Variants in DNAJC1 observed in about 807,000 individuals in gnomAD.
DNAJC1 encodes DnaJ heat shock protein family (Hsp40) member C1, also known as dnaJ homolog subfamily C member 1.
In DNAJC1, 58 loss-of-function variants were observed where a neutral mutation model predicts 76.6. The observed-to-expected ratio is 0.76, with a 90% CI of 0.61 to 0.94. The LOEUF (loss-of-function observed/expected upper bound fraction) is 0.94. Among genes scored for constraint, DNAJC1 ranks in the 40% least tolerant of loss-of-function variants. DNAJC1 has a pLI of 0.00. For synonymous variants in DNAJC1, 258 were observed against 267.9 expected (o/e 0.96, Z 0.36); for missense variants, 689 against 677.3 (o/e 1.02, Z -0.19).
chr10:21,961,108 C>G (rs1002534361), intron 1 of DNAJC1, among the ~76,000 whole-genome samples: 4 of 152,068 alleles, frequency 2.6e-5, no homozygotes, highest in Non-Finnish European at 4.4e-5. Flanking sequence ...GAAATTTGAG[C>G]CTTTATACAT....
chr10:21,803,878 C>A (rs1343780649), intron 9 of DNAJC1: 520 of 941,988 alleles, frequency 5.5e-4, no homozygotes, highest in Admixed American at 8.0e-4. Flanking sequence ...AAAAAAAAAA[C>A]CCAAAAAACA....
At chr10:21,773,589 GTA>G (rs1300700984) in intron 9 of DNAJC1, among the ~76,000 whole-genome samples, 1 of 152,136 alleles carries the variant, frequency 6.6e-6, no homozygotes, top group Non-Finnish European at 1.5e-5. Context: ...AAAGAAAAAC[GTA>G]TATTCTATTG....
chr10:21,930,433 CACCAA>C (rs1411303129), intron 1 of DNAJC1, among the ~76,000 whole-genome samples: 1 of 152,108 alleles, frequency 6.6e-6, no homozygotes, highest in Non-Finnish European at 1.5e-5. Context: ...ATGATGAAAA[CACCAA>C]ACCAAACCAA....
At position 21,898,551 on chromosome 10, in the gene DNAJC1, C is replaced by CT. The variant is rs1284887784; in HGVS notation, c.820+5970dup. On this transcript the variant is annotated intron_variant, in intron 7 of 11. Coordinates refer to ENST00000376980, the MANE Select transcript of DNAJC1 (RefSeq NM_022365.4). ...TAGGTTATGTATTTACTATACTATA[C>CT]TTTTTTTTTTTTTTTTTCCAGACAG... Among the ~76,000 whole-genome samples the CT allele has an allele frequency of 2.2e-3, 297 of 137,314 alleles. 1 individual carries two copies. The highest frequency in any genetic ancestry group is 3.8e-3 in the Middle Eastern group (1 of 262). 90.1% of individuals were successfully genotyped at this position (137,314 alleles called of 152,430 possible). A position where few individuals can be genotyped will look rare whatever the true frequency, so the allele number is the denominator to read the frequency against.
intron 1 of DNAJC1, among the ~76,000 whole-genome samples, chr10:21,985,247 G>C (rs985686382): frequency 6.9e-6 from 1 of 144,368 alleles, no homozygotes; most frequent in Non-Finnish European, 1.5e-5. Flanking sequence ...CCACTACCCT[G>C]CTTTTTTTTT....
At chr10:21,945,230 C>A (rs951065087) in intron 1 of DNAJC1, among the ~76,000 whole-genome samples, 1 of 152,066 alleles carries the variant, frequency 6.6e-6, no homozygotes, top group Non-Finnish European at 1.5e-5. Context: ...ATCAACTGGA[C>A]CAGCTATTAT....
intron 3 of DNAJC1, among the ~76,000 whole-genome samples, chr10:21,926,911 T>C (rs2131777588): frequency 6.6e-6 from 1 of 152,310 alleles, no homozygotes; most frequent in African/African-American, 2.4e-5. Context: ...TGATTTGTTT[T>C]GAAAAGATAG....
intron 8 of DNAJC1, among the ~76,000 whole-genome samples, chr10:21,824,839 T>A (rs1835221029): frequency 6.6e-6 from 1 of 152,326 alleles, no homozygotes; most frequent in East Asian, 1.9e-4. Flanking sequence ...AGTGGTGCAA[T>A]CTCAGCTCAC....
intron 1 of DNAJC1, among the ~76,000 whole-genome samples, chr10:21,940,779 G>A (rs1837393842): frequency 6.6e-6 from 1 of 152,012 alleles, no homozygotes; most frequent in Admixed American, 6.6e-5. Context: ...GAATTGAGTT[G>A]GCAGGAACAT....
chr10:21,883,251 AACACACACACACACACAC>A (rs3032395), intron 7 of DNAJC1, among the ~76,000 whole-genome samples: 34 of 129,020 alleles, frequency 2.6e-4, no homozygotes, highest in African/African-American at 6.5e-4. Context: ...TTCTATCTCA[AACACACACACACACACAC>A]ACACACACAC....
intron 6 of DNAJC1, among the ~76,000 whole-genome samples, chr10:21,915,338 G>C (rs540653238): frequency 1.3e-5 from 2 of 152,144 alleles, no homozygotes; most frequent in East Asian, 3.9e-4. Flanking sequence ...TATGTGAAGC[G>C]TAGCAAAGGA....
chr10:21,815,759 T>C (rs1040205946), intron 8 of DNAJC1, among the ~76,000 whole-genome samples: 1 of 151,990 alleles, frequency 6.6e-6, no homozygotes, highest in Non-Finnish European at 1.5e-5. Flanking sequence ...TTTCTTTTTT[T>C]TTTTGAGACG....
Position 21,756,621 on chromosome 10 carries a change from T to A in DNAJC1, c.*66A>T, listed in dbSNP as rs775516363. 2.3e-5 allele frequency: 30 copies of A among 1,299,466 alleles called. No homozygotes were observed. The highest frequency in any genetic ancestry group is 3.1e-5 in the Non-Finnish European group (28 of 899,154). The allele number at this position is 1,299,466 out of a possible 1,614,324, so 80.5% of individuals were successfully genotyped here. On this transcript the variant is annotated 3_prime_UTR_variant, in exon 12 of 12. Coordinates refer to ENST00000376980, the MANE Select transcript of DNAJC1 (RefSeq NM_022365.4). Reference sequence around the variant, plus strand: ...GAAATATTGAGGTACAAAATGCAAATTTCTGCATAAGATTTTTAAGATATT... The same window carrying A: ...GAAATATTGAGGTACAAAATGCAAAATTCTGCATAAGATTTTTAAGATATT...
At chr10:21,782,243 T>G (rs1834541151) in intron 9 of DNAJC1, among the ~76,000 whole-genome samples, 1 of 152,058 alleles carries the variant, frequency 6.6e-6, no homozygotes, top group East Asian at 1.9e-4. Context: ...CTAACTACCA[T>G]CAGAGAATAC....
chr10:21,881,612 T>C lies in DNAJC1; in HGVS notation c.978+670A>G, dbSNP rs148881727. ...CCAGAATATACATAATATTTACCAA[T>C]TAAGTTTGCTGTCTTACATGTGTGC... On this transcript the variant is annotated intron_variant, in intron 8 of 11. Transcript: ENST00000376980. 8.0e-4 allele frequency among the ~76,000 whole-genome samples: 122 copies of C among 152,066 alleles called. 2 individuals are homozygous for C. In the East Asian group the frequency reaches 0.02, roughly 25 times the overall value.
chr10:21,761,792 A>G (rs1417891118), intron 10 of DNAJC1, among the ~76,000 whole-genome samples: 2 of 152,334 alleles, frequency 1.3e-5, no homozygotes, highest in East Asian at 1.9e-4. Context: ...TTAGCTCACT[A>G]AAGTTCCAGG....
At chr10:21,825,086 A>G (rs1197093959) in intron 8 of DNAJC1, among the ~76,000 whole-genome samples, 1 of 152,144 alleles carries the variant, frequency 6.6e-6, no homozygotes, top group Admixed American at 6.5e-5. Flanking sequence ...CAACTATTTT[A>G]AAGTATACAA....
chr10:21,789,105 C>G (rs2131632995), intron 9 of DNAJC1, among the ~76,000 whole-genome samples: 1 of 152,308 alleles, frequency 6.6e-6, no homozygotes, highest in South Asian at 2.1e-4. Context: ...CCAGATCTGA[C>G]AGCAAGAGGG....
At chr10:21,889,993 C>T (rs898307745) in intron 7 of DNAJC1, among the ~76,000 whole-genome samples, 1 of 152,126 alleles carries the variant, frequency 6.6e-6, no homozygotes, top group African/African-American at 2.4e-5. Flanking sequence ...AGAGAGAAGG[C>T]TAAAAGGTAA....
Sources: allele counts gnomAD v4.1 joint callset (sites outside exome capture counted in the v4.1 genomes callset), GRCh38; gene constraint gnomAD v4.1.1; transcripts MANE v1.5; gene names NCBI Gene and HGNC (gene_info 2026-07-23, HGNC 2026-07-21).